The following CMSS1 variants were observed in gnomAD, a reference collection of about 807,000 sequenced individuals.
CMSS1 encodes protein CMSS1.
A neutral mutation model predicts 43.5 loss-of-function variants in CMSS1; 33 were observed. The ratio of observed to expected loss-of-function variants is 0.76; its 90% CI spans 0.57 to 1.01. The LOEUF (loss-of-function observed/expected upper bound fraction) is 1.01, where lower values mean the gene tolerates loss of function less well. Ranked by LOEUF, CMSS1 falls within the 50% of genes least tolerant of loss-of-function variation. The pLI, the probability that CMSS1 is intolerant of heterozygous loss-of-function variation, is 0.00. For missense variants in CMSS1, 313 were observed against 326.4 expected, an observed-to-expected ratio of 0.96 and a Z score of 0.32; for synonymous variants, 115 against 117.2, an observed-to-expected ratio of 0.98 and a Z score of 0.12.
At chr3:99,967,762 G>A (rs1176255619) in intron 1 of CMSS1, among the ~76,000 whole-genome samples, 2 of 152,306 alleles carry the variant, frequency 1.3e-5, no homozygotes, top group African/African-American at 4.8e-5. Context: ...GATGTGGAGT[G>A]TTTTATCTGT....
intron 1 of CMSS1, among the ~76,000 whole-genome samples, chr3:100,113,669 T>C (rs2066527138): frequency 6.6e-6 from 1 of 152,232 alleles, no homozygotes; most frequent in Non-Finnish European, 1.5e-5. Flanking sequence ...TGACACTGTA[T>C]ATTGATCATT....
rs78739861 is a variant in CMSS1, at chr3:100,075,910, G to C, written c.65-71063G>C. ...TGGGGTATTAGGATTCGATTCAGGA[G>C]AGCTGAGTTGGAGCCTAGAAATCTT... On this transcript the variant is annotated intron_variant, in intron 1 of 9. Transcript: ENST00000421999. Among the ~76,000 whole-genome samples the C allele has an allele frequency of 4.4e-3, 677 of 152,254 alleles. 7 individuals are homozygous for C. The highest frequency in any genetic ancestry group is 0.016 in the African/African-American group (663 of 41,552).
intron 1 of CMSS1, among the ~76,000 whole-genome samples, chr3:100,073,253 A>G (rs1429728765): frequency 6.6e-6 from 1 of 152,158 alleles, no homozygotes; most frequent in Non-Finnish European, 1.5e-5. Context: ...ATTTATTTAT[A>G]TATTATCTGA....
chr3:99,821,363 G>T (rs1942435104), intron 1 of CMSS1, among the ~76,000 whole-genome samples: 2 of 152,116 alleles, frequency 1.3e-5, no homozygotes, highest in Admixed American at 6.6e-5. Context: ...TTAGAATTTT[G>T]CAGGGACTCT....
chr3:99,851,710 T>G (rs1943706076), intron 1 of CMSS1, among the ~76,000 whole-genome samples: 1 of 152,232 alleles, frequency 6.6e-6, no homozygotes. Context: ...TTCAAGTCCT[T>G]GATTCTTAGT....
chr3:100,014,106 C>G (rs1191659902), intron 1 of CMSS1, among the ~76,000 whole-genome samples: 4 of 151,438 alleles, frequency 2.6e-5, no homozygotes, highest in Admixed American at 2.0e-4. Context: ...TTTCATTTAA[C>G]ATAATGTCCT....
chr3:99,997,181 G>A (rs1399572022), intron 1 of CMSS1, among the ~76,000 whole-genome samples: 1 of 152,086 alleles, frequency 6.6e-6, no homozygotes, highest in Non-Finnish European at 1.5e-5. Flanking sequence ...ATGAAAAGTT[G>A]GTTCTTTGAA....
chr3:100,019,551 A>T (rs2064768380), intron 1 of CMSS1, among the ~76,000 whole-genome samples: 1 of 152,186 alleles, frequency 6.6e-6, no homozygotes, highest in African/African-American at 2.4e-5. Context: ...AGAAAAGTAA[A>T]TACGTAAAAT....
rs531637381 is a variant in CMSS1, at chr3:99,934,279, A to G, written c.64+116236A>G. 1.3e-4 allele frequency among the ~76,000 whole-genome samples: 20 copies of G among 152,334 alleles called. 1 individual carries two copies. In the South Asian group the frequency reaches 2.7e-3, roughly 21 times the overall value. On this transcript the variant is annotated intron_variant, in intron 1 of 9. Transcript: ENST00000421999. ...GCCACATTGCAAAGGAATGGAAGGA[A>G]TTAACTGCAGCCATCTTTGAAAAAG...
At chr3:99,846,612 C>G (rs1943374815) in intron 1 of CMSS1, among the ~76,000 whole-genome samples, 1 of 152,186 alleles carries the variant, frequency 6.6e-6, no homozygotes, top group African/African-American at 2.4e-5. Context: ...TCAGCAGCCT[C>G]AGCTTTCATC....
chr3:99,899,301 C>G (rs536942683), intron 1 of CMSS1, among the ~76,000 whole-genome samples: 1 of 152,212 alleles, frequency 6.6e-6, no homozygotes, highest in African/African-American at 2.4e-5. Context: ...TTTCCAATAC[C>G]AAGTTATTAC....
At chr3:99,983,800 G>T (rs546354471) in intron 1 of CMSS1, among the ~76,000 whole-genome samples, 1 of 151,798 alleles carries the variant, frequency 6.6e-6, no homozygotes, top group African/African-American at 2.4e-5. Context: ...AGCAAGAAAA[G>T]TAAAATCAGA....
intron 1 of CMSS1, among the ~76,000 whole-genome samples, chr3:100,122,443 G>T (rs2066629199): frequency 6.6e-6 from 1 of 152,230 alleles, no homozygotes; most frequent in Admixed American, 6.5e-5. Context: ...ACAACTCCAT[G>T]ATTTGGCAGC....
intron 1 of CMSS1, among the ~76,000 whole-genome samples, chr3:100,070,063 T>C (rs2065735484): frequency 6.6e-6 from 1 of 152,228 alleles, no homozygotes. Flanking sequence ...TGATTAAGGA[T>C]GTACACATGG....
rs572318434 is a variant in CMSS1, at chr3:100,096,063, T to C, written c.65-50910T>C. Among the ~76,000 whole-genome samples, 4 of 152,220 alleles carry C rather than the reference T, an allele frequency of 2.6e-5. No individual in the cohort carries two copies. The South Asian group carries it at 8.3e-4, about 32-fold the overall frequency. On this transcript the variant is annotated intron_variant, in intron 1 of 9. Coordinates refer to ENST00000421999, the MANE Select transcript of CMSS1 (RefSeq NM_032359.4). Reference sequence around the variant, plus strand: ...TCATCAGAAAACTGCACATCAAAACTGTAATGAGATATTATCTTACCCCAG... The same window carrying C: ...TCATCAGAAAACTGCACATCAAAACCGTAATGAGATATTATCTTACCCCAG...
At chr3:100,043,493 G>A (rs1009916909) in intron 1 of CMSS1, among the ~76,000 whole-genome samples, 1 of 152,048 alleles carries the variant, frequency 6.6e-6, no homozygotes, top group Non-Finnish European at 1.5e-5. Flanking sequence ...AGGCCAGTAG[G>A]TATTTATTAT....
chr3:100,063,345 A>G (rs1433446337), intron 1 of CMSS1, among the ~76,000 whole-genome samples: 1 of 152,198 alleles, frequency 6.6e-6, no homozygotes, highest in Non-Finnish European at 1.5e-5. Context: ...GATCTCAACC[A>G]ACCATTAAAG....
chr3:100,120,662 G>A (rs2107491221), intron 1 of CMSS1, among the ~76,000 whole-genome samples: 1 of 150,958 alleles, frequency 6.6e-6, no homozygotes, highest in East Asian at 2.0e-4. Context: ...AGTCTAATAG[G>A]AAAGGTGGTA....
At chr3:99,914,572 T>C (rs983615153) in intron 1 of CMSS1, among the ~76,000 whole-genome samples, 1 of 152,196 alleles carries the variant, frequency 6.6e-6, no homozygotes, top group African/African-American at 2.4e-5. Context: ...AAGACTAGTC[T>C]CAGGTAAAGT....
Sources: allele counts gnomAD v4.1 joint callset (sites outside exome capture counted in the v4.1 genomes callset), GRCh38; gene constraint gnomAD v4.1.1; transcripts MANE v1.5; gene names NCBI Gene and HGNC (gene_info 2026-07-23, HGNC 2026-07-21).